The following CNKSR3 variants were observed in gnomAD, a reference collection of about 807,000 sequenced individuals.
The protein encoded by CNKSR3 is CNKSR family member 3, also known as connector enhancer of kinase suppressor of ras 3.
CNKSR3 carries 36 observed loss-of-function variants against 67.7 expected under a neutral mutation model. The ratio of observed to expected loss-of-function variants is 0.53; its 90% CI spans 0.41 to 0.70. The LOEUF (loss-of-function observed/expected upper bound fraction) is 0.70. Among genes scored for constraint, CNKSR3 ranks in the 30% least tolerant of loss-of-function variants. The pLI is 0.00. For missense variants in CNKSR3, 630 were observed against 695.2 expected (o/e 0.91, Z 1.05); for synonymous variants, 281 against 271.4 (o/e 1.04, Z -0.35).
intron 1 of CNKSR3, among the ~76,000 whole-genome samples, chr6:154,460,617 G>A (rs1786059215): frequency 6.6e-6 from 1 of 152,178 alleles, no homozygotes; most frequent in African/African-American, 2.4e-5. Context: ...GGGAGGGGAA[G>A]AGAGAAGCCA....
intron 2 of CNKSR3, among the ~76,000 whole-genome samples, chr6:154,444,605 CTTTTTTTTTTT>C (rs775511533): frequency 7.4e-6 from 1 of 135,848 alleles, no homozygotes; most frequent in Non-Finnish European, 1.6e-5. Flanking sequence ...AGTGGAGAAA[CTTTTTTTTTTT>C]TTTTTTTTGA....
At position 154,401,975 on chromosome 6, in the gene CNKSR3, T is replaced by TA. The variant is rs1784721588; in HGVS notation, c.*4378_*4379insT. 2 of 151,522 alleles carry TA rather than the reference T, an allele frequency of 1.3e-5. No individual in the cohort carries two copies. Among genetic ancestry groups the TA allele is most frequent in the Non-Finnish European group, 2.9e-5 (2 of 67,896 alleles). The allele number at this position is 151,522 out of a possible 1,614,324, so 9.4% of individuals were successfully genotyped here. ...TGTTCATGGTCTTCCAGGGAAAAAA[T>TA]TAAAAAAAGAAAGCCCACAAAATAG... is the stretch of plus-strand genomic sequence containing the variant. On this transcript the variant is annotated 3_prime_UTR_variant, in exon 13 of 13. Transcript: ENST00000607772.
chr6:154,435,374 C>T (rs775340754), intron 4 of CNKSR3, among the ~76,000 whole-genome samples: 11 of 152,126 alleles, frequency 7.2e-5, no homozygotes, highest in Non-Finnish European at 1.2e-4. Flanking sequence ...CTCAATACAC[C>T]AGAGCCCAAG....
chr6:154,454,104 CAGAGAGAGAGAGAGAGAGAGAGAG>C lies in CNKSR3; in HGVS notation c.53-3870_53-3847del, dbSNP rs71021054. On this transcript the variant is annotated intron_variant, in intron 1 of 12. Coordinates refer to ENST00000607772, the MANE Select transcript of CNKSR3 (RefSeq NM_173515.4). ...GAAAACACACACACACACACACACA[CAGAGAGAGAGAGAGAGAGAGAGAG>C]AGAGAGAGAGAGAGAGATAAGAGCC... 2.0e-3 allele frequency among the ~76,000 whole-genome samples: 238 copies of C among 116,336 alleles called. 5 individuals carry two copies. The highest frequency in any genetic ancestry group is 4.1e-3 in the Middle Eastern group (1 of 242). The allele number at this position is 116,336 out of a possible 152,430, so 76.3% of individuals were successfully genotyped here. A position where few individuals can be genotyped will look rare whatever the true frequency, so the allele number is the denominator to read the frequency against.
chr6:154,448,414 T>C (rs894841092), intron 2 of CNKSR3, among the ~76,000 whole-genome samples: 2 of 86,470 alleles, frequency 2.3e-5, no homozygotes, highest in African/African-American at 8.7e-5. Flanking sequence ...ATAATAAAAG[T>C]AAACTCAAAC....
chr6:154,422,138 G>A (rs559257283), intron 9 of CNKSR3, among the ~76,000 whole-genome samples: 19 of 151,956 alleles, frequency 1.3e-4, no homozygotes, highest in East Asian at 3.9e-4. Flanking sequence ...GACTATAGGC[G>A]CGCACCACCA....
Position 154,403,539 on chromosome 6 carries a change from T to C in CNKSR3, c.*2815A>G, listed in dbSNP as rs1389030193. 1 of 152,152 alleles carries C rather than the reference T, an allele frequency of 6.6e-6. No individual in the cohort carries two copies. The highest frequency in any genetic ancestry group is 6.5e-5 in the Admixed American group (1 of 15,286). 9.4% of individuals were successfully genotyped at this position (152,152 alleles called of 1,614,324 possible). A position where few individuals can be genotyped will look rare whatever the true frequency, so the allele number is the denominator to read the frequency against. On this transcript the variant is annotated 3_prime_UTR_variant, in exon 13 of 13. Transcript: ENST00000607772. ...TTACTACTGAGGCAAGCAGTTTCCA[T>C]TAATTTCTAAGAAATCCATATTAAA... is the stretch of plus-strand genomic sequence containing the variant.
intron 1 of CNKSR3, among the ~76,000 whole-genome samples, chr6:154,461,021 T>C (rs1786068460): frequency 6.6e-6 from 1 of 152,220 alleles, no homozygotes; most frequent in African/African-American, 2.4e-5. Flanking sequence ...GCCATCATCA[T>C]TTCAAAGTGC....
chr6:154,503,453 C>A (rs1044379330), intron 1 of CNKSR3, among the ~76,000 whole-genome samples: 2 of 151,976 alleles, frequency 1.3e-5, no homozygotes, highest in African/African-American at 4.8e-5. Context: ...CCACAAGACC[C>A]ATCTCTACAA....
chr6:154,483,410 C>T (rs370644919), intron 1 of CNKSR3, among the ~76,000 whole-genome samples: 10 of 152,104 alleles, frequency 6.6e-5, no homozygotes, highest in African/African-American at 2.2e-4. Context: ...CAGTATGCCA[C>T]GCACAACCAA....
Position 154,510,202 on chromosome 6 carries a change from G to A in CNKSR3, c.-88C>T. On this transcript the variant is annotated 5_prime_UTR_variant, in exon 1 of 13. Coordinates refer to ENST00000607772, the MANE Select transcript of CNKSR3 (RefSeq NM_173515.4). The stretch of plus-strand genomic sequence containing the variant: ...CCGGTGCCCCTTCCCGGGAGGGCGC[G>A]CCCGCGGCTGCTCCCCTGCGCCCGA... 2 of 1,484,538 alleles carry A rather than the reference G, an allele frequency of 1.3e-6. No individual in the cohort carries two copies. Among genetic ancestry groups the A allele is most frequent in the Non-Finnish European group, 1.9e-6 (2 of 1,069,040 alleles). The allele number at this position is 1,484,538 out of a possible 1,614,324, so 92.0% of individuals were successfully genotyped here.
At chr6:154,414,767 T>G in intron 9 of CNKSR3, 1 of 520,436 alleles carries the variant, frequency 1.9e-6, no homozygotes, top group Non-Finnish European at 3.9e-6. Context: ...TGCATAGAGC[T>G]GCAGTGAGAA....
intron 1 of CNKSR3, among the ~76,000 whole-genome samples, chr6:154,505,998 A>T (rs1787095228): frequency 6.6e-6 from 1 of 152,204 alleles, no homozygotes; most frequent in Admixed American, 6.5e-5. Flanking sequence ...AGAGAAAAGG[A>T]CCTCATATAA....
intron 1 of CNKSR3, among the ~76,000 whole-genome samples, chr6:154,479,230 A>ATGT (rs1554237018): frequency 6.6e-6 from 1 of 151,298 alleles, no homozygotes; most frequent in Non-Finnish European, 1.5e-5. Context: ...AAAAAAAAAA[A>ATGT]ATATTCTTTC....
intron 1 of CNKSR3, among the ~76,000 whole-genome samples, chr6:154,479,116 C>T (rs1419873197): frequency 6.6e-6 from 1 of 151,858 alleles, no homozygotes; most frequent in Admixed American, 6.6e-5. Context: ...TATACCCCCC[C>T]ATCCTTAGAA....
intron 1 of CNKSR3, among the ~76,000 whole-genome samples, chr6:154,457,494 T>G (rs577286823): frequency 7.2e-5 from 11 of 152,064 alleles, no homozygotes; most frequent in Non-Finnish European, 1.6e-4. Flanking sequence ...CCAAGGTGGG[T>G]GGATCACCTG....
Position 154,479,242 on chromosome 6 carries a change from G to A in CNKSR3, c.53-28984C>T, listed in dbSNP as rs115768202. ...GAAAAAAAAAAAAAATATTCTTTCA[G>A]TGCAGATTCCACTACTGTTACTTGA... On this transcript the variant is annotated intron_variant, in intron 1 of 12. Transcript: ENST00000607772. 3.8e-3 allele frequency among the ~76,000 whole-genome samples: 576 copies of A among 151,834 alleles called. 1 individual carries two copies. The highest frequency in any genetic ancestry group is 0.013 in the African/African-American group (540 of 41,380).
In CNKSR3 at chr6:154,423,547, C is replaced by T. The variant is rs548572444; in HGVS notation, c.730-564G>A. Among the ~76,000 whole-genome samples, 24 of 152,260 alleles carry T rather than the reference C, an allele frequency of 1.6e-4. No homozygotes were observed. In the East Asian group the frequency reaches 4.4e-3, roughly 28 times the overall value. ...TGCTGGGATTACAGGCATGAGCCAC[C>T]GCGCCCAGTCTGGACATACTGTCAA... On this transcript the variant is annotated intron_variant, in intron 7 of 12. Coordinates refer to ENST00000607772, the MANE Select transcript of CNKSR3 (RefSeq NM_173515.4).
At chr6:154,443,427 AAATCGCCCTGTGTCCCCTGGTGGCAG>A (rs56269511) in intron 2 of CNKSR3, among the ~76,000 whole-genome samples, 38,604 of 151,642 alleles carry the variant, frequency 0.25, 5,373 homozygotes, top group African/African-American at 0.36. Context: ...TGACAACCAA[AAATCGCCCTGTGTCCCCTGGTGGCAG>A]AATCGCCCCT....
Sources: allele counts gnomAD v4.1 joint callset (sites outside exome capture counted in the v4.1 genomes callset), GRCh38; gene constraint gnomAD v4.1.1; transcripts MANE v1.5; gene names NCBI Gene and HGNC (gene_info 2026-07-23, HGNC 2026-07-21).